The following HEATR4 variants were observed in gnomAD, a reference collection of about 807,000 sequenced individuals.
HEATR4 encodes the protein HEAT repeat containing 4, also known as HEAT repeat-containing protein 4.
A neutral mutation model predicts 108.8 loss-of-function variants in HEATR4; 95 were observed. That is an observed-to-expected ratio of 0.87 (90% confidence interval 0.74 to 1.04). The LOEUF is 1.04. HEATR4 is among the 50% of genes least tolerant of loss of function. HEATR4 has a pLI of 0.00. For synonymous variants in HEATR4, 443 were observed against 459.4 expected, an observed-to-expected ratio of 0.96 and a Z score of 0.46; for missense variants, 1,152 against 1,253.8, an observed-to-expected ratio of 0.92 and a Z score of 1.23.
chr14:73,489,756 T>A (rs1193075270), intron 17 of HEATR4, among the ~76,000 whole-genome samples: 1 of 152,158 alleles, frequency 6.6e-6, no homozygotes, highest in Middle Eastern at 3.4e-3. Flanking sequence ...AGAAACAAAA[T>A]CCCAGAGGGG....
At chr14:73,583,472 T>C in the HEATR4 span, among the ~76,000 whole-genome samples, 1,930 of 152,036 alleles carry the variant, frequency 0.013, 45 homozygotes, top group African/African-American at 0.044. Context: ...AACCCTGTTA[T>C]AGGTAGTTAC....
In HEATR4 at chr14:73,549,583, C is replaced by A. The variant is rs1377190349; in HGVS notation, c.-152+9168G>T. 3.1e-5 allele frequency among the ~76,000 whole-genome samples: 3 copies of A among 96,878 alleles called. 1 individual carries two copies. Among genetic ancestry groups the A allele is most frequent in the Non-Finnish European group, 6.8e-5 (3 of 43,966 alleles). 63.6% of individuals were successfully genotyped at this position (96,878 alleles called of 152,430 possible). A position where few individuals can be genotyped will look rare whatever the true frequency, so the allele number is the denominator to read the frequency against. On this transcript the variant is annotated intron_variant, in intron 1 of 17. Transcript: ENST00000553558. ...GAACCTGGGGCTTCAGATCCTGGGGCTTTACCTGATTAAATACCAAGAGAG... is the reference window on the plus strand; with the variant it reads ...GAACCTGGGGCTTCAGATCCTGGGGATTTACCTGATTAAATACCAAGAGAG...
At chr14:73,484,186 A>G (rs1885356022) in intron 17 of HEATR4, among the ~76,000 whole-genome samples, 1 of 151,744 alleles carries the variant, frequency 6.6e-6, no homozygotes, top group Admixed American at 6.6e-5. Context: ...AAGAAGGTAA[A>G]GAGGTGACAT....
At chr14:73,479,926 C>A (rs528537978) in intron 17 of HEATR4, among the ~76,000 whole-genome samples, 21 of 152,190 alleles carry the variant, frequency 1.4e-4, no homozygotes, top group African/African-American at 4.6e-4. Flanking sequence ...TCTCTCTCAG[C>A]CTACTCTGGC....
In HEATR4 at chr14:73,508,124, G is replaced by A; in HGVS notation, c.1881+10C>T. 6.2e-7 allele frequency: 1 copy of A among 1,612,832 alleles called. No individual in the cohort carries two copies. Among genetic ancestry groups the A allele is most frequent in the Non-Finnish European group, 8.5e-7 (1 of 1,178,894 alleles). On this transcript the variant is annotated intron_variant, in intron 9 of 17. Coordinates refer to ENST00000553558, the MANE Select transcript of HEATR4 (RefSeq NM_001220484.1). ...CCAAAACTGTGTCTGACCCGGTAAT[G>A]GACACATACTGTCTTCTCACTCAGA...
the HEATR4 span, among the ~76,000 whole-genome samples, chr14:73,608,653 G>C: frequency 2.6e-5 from 4 of 151,912 alleles, no homozygotes; most frequent in Non-Finnish European, 4.4e-5. Context: ...ACTGCTGCCT[G>C]TTACCCAGTT....
the HEATR4 span, chr14:73,593,826 A>C: frequency 6.2e-7 from 1 of 1,614,128 alleles, no homozygotes; most frequent in Non-Finnish European, 8.5e-7. Context: ...ATAACTTTGA[A>C]GATCTCCCCA....
intron 17 of HEATR4, chr14:73,491,076 G>A (rs1355217188): frequency 1.3e-6 from 2 of 1,596,574 alleles, no homozygotes; most frequent in Admixed American, 1.7e-5. Flanking sequence ...AAGCGCCGGC[G>A]CAAGCCCCAG....
intron 9 of HEATR4, among the ~76,000 whole-genome samples, chr14:73,507,244 T>C (rs1054942744): frequency 3.3e-5 from 5 of 152,220 alleles, no homozygotes; most frequent in Admixed American, 6.5e-5. Flanking sequence ...AAGCAAATTC[T>C]ACATGTCAGA....
At chr14:73,544,571 G>A (rs1287241899) in intron 1 of HEATR4, among the ~76,000 whole-genome samples, 1 of 115,478 alleles carries the variant, frequency 8.7e-6, no homozygotes, top group Non-Finnish European at 1.9e-5. Context: ...GGATTTAATT[G>A]TTTCAAAAGC....
the HEATR4 span, chr14:73,569,975 C>A: frequency 1.9e-5 from 28 of 1,460,374 alleles, no homozygotes; most frequent in Non-Finnish European, 2.3e-5. Flanking sequence ...TGTATGCCCC[C>A]CCGCCGCGCC....
chr14:73,515,046 C>T (rs551665332), intron 5 of HEATR4, among the ~76,000 whole-genome samples: 21 of 145,546 alleles, frequency 1.4e-4, no homozygotes, highest in Admixed American at 2.1e-4. Context: ...CCAGCCTGGA[C>T]GACAGAGTGA....
chr14:73,571,682 G>A, the HEATR4 span: 2 of 151,748 alleles, frequency 1.3e-5, no homozygotes, highest in South Asian at 2.1e-4. Flanking sequence ...CAGCACACGC[G>A]TGGGCTGTGC....
chr14:73,559,557 C>T (rs1347590413), upstream of HEATR4, among the ~76,000 whole-genome samples: 1 of 151,644 alleles, frequency 6.6e-6, no homozygotes, highest in Non-Finnish European at 1.5e-5. Context: ...TGGTGAAACC[C>T]CATCTCTACT....
chr14:73,558,582 C>T (rs1889446170), intron 1 of HEATR4, among the ~76,000 whole-genome samples, 169 bp downstream of exon 1: 1 of 146,296 alleles, frequency 6.8e-6, no homozygotes, highest in Admixed American at 7.1e-5. Context: ...TCTTGAACTC[C>T]TGGACTCAAA....
the HEATR4 span, chr14:73,633,711 G>A: frequency 2.0e-5 from 3 of 152,188 alleles, no homozygotes; most frequent in Admixed American, 2.0e-4. Flanking sequence ...AAACTCGCGA[G>A]GGGATCCTAC....
intron 17 of HEATR4, chr14:73,491,243 G>C: frequency 1.1e-5 from 17 of 1,587,144 alleles, no homozygotes; most frequent in Non-Finnish European, 1.2e-5. Context: ...CGACGACCTG[G>C]GGGACGCGCT....
chr14:73,510,424 T>TTTTTTG (rs1255860236), intron 7 of HEATR4, among the ~76,000 whole-genome samples: 1 of 145,610 alleles, frequency 6.9e-6, no homozygotes, highest in Non-Finnish European at 1.5e-5. Flanking sequence ...TGGCTGGAGT[T>TTTTTTG]TTTTTGTTTT....
the HEATR4 span, among the ~76,000 whole-genome samples, chr14:73,568,318 C>T: frequency 6.6e-6 from 1 of 150,396 alleles, no homozygotes; most frequent in Admixed American, 6.7e-5. Flanking sequence ...AAATCAGGTA[C>T]AAGGGCTTGG....
Sources: gnomAD v4.1 joint callset for allele counts (sites outside exome capture counted in the v4.1 genomes callset) on GRCh38, gnomAD v4.1.1 for gene constraint, MANE v1.5 for transcripts, NCBI Gene and HGNC (gene_info 2026-07-23, HGNC 2026-07-21) for gene names.